Variants in ADCY3 observed in about 807,000 individuals in gnomAD.
The protein encoded by ADCY3 is adenylate cyclase type 3.
In ADCY3, 70 loss-of-function variants were observed where a neutral mutation model predicts 119.4. The observed-to-expected ratio is 0.59, with a 90% confidence interval of 0.48 to 0.72. ADCY3 has a LOEUF of 0.72. ADCY3 is among the 30% of genes least tolerant of loss of function. The pLI is 0.00. For missense variants in ADCY3, 1,238 were observed against 1,541.6 expected (o/e 0.80, Z 3.30); for synonymous variants, 672 against 621.4 (o/e 1.08, Z -1.21).
rs771258009 is a variant in ADCY3 at position 24,820,894 on chromosome 2, G to A, written c.3128-46C>T. ...TCAGCACAGCCACAGGCCACACCTT[G>A]TTATGGGCCTCAGAAGCCATCTCCT... On this transcript the variant is annotated intron_variant, in intron 20 of 21. Coordinates refer to ENST00000679454, the MANE Select transcript of ADCY3 (RefSeq NM_004036.5). The A allele has an allele frequency of 1.9e-6, 3 of 1,604,578 alleles. No individual in the cohort carries two copies. In the Admixed American group the frequency reaches 5.1e-5, roughly 27 times the overall value.
intron 3 of ADCY3, among the ~76,000 whole-genome samples, chr2:24,865,306 G>A (rs187277144): frequency 4.6e-5 from 7 of 152,184 alleles, no homozygotes; most frequent in East Asian, 3.9e-4. Context: ...TTAGGCAGGC[G>A]TGGTGGTGCA....
chr2:24,845,792 G>A (rs1039188273), intron 3 of ADCY3, among the ~76,000 whole-genome samples: 1 of 152,224 alleles, frequency 6.6e-6, no homozygotes, highest in African/African-American at 2.4e-5. Context: ...CCCACCACAG[G>A]CCCTGAGGTG....
At chr2:24,833,398 G>A (rs1053415743) in intron 11 of ADCY3, among the ~76,000 whole-genome samples, 3 of 152,158 alleles carry the variant, frequency 2.0e-5, no homozygotes, top group African/African-American at 7.2e-5. Flanking sequence ...ATAGGAGAAG[G>A]CTCGCCCCTC....
chr2:24,845,527 G>A lies in ADCY3; in HGVS notation c.826-3143C>T, dbSNP rs1219033194. The stretch of plus-strand genomic sequence containing the variant: ...TGAGAGATGATTTAGGGTATCTGAT[G>A]GAAGAAATTTCTAAGCAGCAAAGCA... On this transcript the variant is annotated intron_variant, in intron 3 of 21. Coordinates refer to ENST00000679454, the MANE Select transcript of ADCY3 (RefSeq NM_004036.5). Among the ~76,000 whole-genome samples, 4 of 152,296 alleles carry A rather than the reference G, an allele frequency of 2.6e-5. No homozygotes were observed. The South Asian group carries it at 6.2e-4, about 24-fold the overall frequency.
intron 2 of ADCY3, among the ~76,000 whole-genome samples, chr2:24,906,959 C>T (rs1414159874): frequency 6.6e-6 from 1 of 152,028 alleles, no homozygotes; most frequent in East Asian, 1.9e-4. Flanking sequence ...GGTGAAACCC[C>T]ACCTCTACTA....
intron 6 of ADCY3, among the ~76,000 whole-genome samples, chr2:24,840,788 G>A (rs1670905619): frequency 6.6e-6 from 1 of 152,186 alleles, no homozygotes; most frequent in Non-Finnish European, 1.5e-5. Flanking sequence ...GCCTAAGGCT[G>A]GAGCACAGAG....
chr2:24,833,832 C>T (rs1221830717), intron 11 of ADCY3, among the ~76,000 whole-genome samples: 4 of 152,236 alleles, frequency 2.6e-5, no homozygotes, highest in East Asian at 1.9e-4. Context: ...GTGGCCTGCA[C>T]GTGGTCACAC....
At chr2:24,912,604 CAT>C (rs1491168120) in intron 2 of ADCY3, among the ~76,000 whole-genome samples, 3 of 38,698 alleles carry the variant, frequency 7.8e-5, no homozygotes, top group Non-Finnish European at 1.4e-4. Context: ...TGTGTGTGTG[CAT>C]GTGTGTGTGT....
rs1670807114 is a variant in ADCY3, at chr2:24,839,988, C to T, written c.1240G>A (p.Gly414Arg). 1 of 1,613,786 alleles carries T rather than the reference C, an allele frequency of 6.2e-7. No homozygotes were observed. The highest frequency in any genetic ancestry group is 8.5e-7 in the Non-Finnish European group (1 of 1,179,974). ...CCCAGCACGGTGCCCGTGTGCACCCCCACACGCATGTCCACCCCAGTCTTG... is the reference window on the plus strand; with the variant it reads ...CCCAGCACGGTGCCCGTGTGCACCCTCACACGCATGTCCACCCCAGTCTTG... ...KTKTGVDMRV[G>R]VHTGTVLGGV... The change falls in exon 7 of 22, where the codon GGG becomes AGG. Residue 414 changes from glycine (G) to arginine (R), a missense_variant. Gly to Arg is a moderately radical substitution (Grantham distance 125, BLOSUM62 -2). Coordinates refer to ENST00000679454, the MANE Select transcript of ADCY3 (RefSeq NM_004036.5).
At chr2:24,844,008 T>A (rs1010056906) in intron 3 of ADCY3, among the ~76,000 whole-genome samples, 4 of 151,870 alleles carry the variant, frequency 2.6e-5, no homozygotes, top group Non-Finnish European at 5.9e-5. Context: ...TTTTGCAAGA[T>A]GGAAACTGTA....
At chr2:24,833,966 AAG>A (rs146199064) in intron 11 of ADCY3, among the ~76,000 whole-genome samples, 2,435 of 152,350 alleles carry the variant, frequency 0.016, 67 homozygotes, top group African/African-American at 0.056. Flanking sequence ...AAGGGAGAAC[AAG>A]AGAGTGGTCG....
At chr2:24,916,146 C>CT (rs905001702) in intron 2 of ADCY3, among the ~76,000 whole-genome samples, 7 of 152,044 alleles carry the variant, frequency 4.6e-5, no homozygotes, top group East Asian at 3.9e-4. Context: ...TGATTTCTAT[C>CT]TTTTTTTTTC....
At chr2:24,839,587 A>C (rs1170148651) in intron 7 of ADCY3, among the ~76,000 whole-genome samples, 2 of 152,118 alleles carry the variant, frequency 1.3e-5, no homozygotes, top group African/African-American at 4.8e-5. Flanking sequence ...GGTAAAGGGG[A>C]GGCAGCCCCC....
chr2:24,882,250 A>C (rs552449108), intron 2 of ADCY3, among the ~76,000 whole-genome samples: 1 of 152,190 alleles, frequency 6.6e-6, no homozygotes, highest in Non-Finnish European at 1.5e-5. Context: ...CATCTGGTCA[A>C]CCTCCCCATT....
At position 24,827,906 on chromosome 2, in the gene ADCY3, G is replaced by A; in HGVS notation, c.2428C>T (p.His810Tyr). The A allele has an allele frequency of 1.2e-6, 2 of 1,614,050 alleles. No individual in the cohort carries two copies. The highest frequency in any genetic ancestry group is 1.7e-6 in the Non-Finnish European group (2 of 1,179,972). The part of the protein sequence containing the change: ...DEYDHKRFRE[H>Y]DLPMVALEQM... ...CCCAGTCACGCTTCATCTTACTCGT[G>A]CTCCCGAAAACGCTTGTGGTCGTAT... The change falls in exon 14 of 22, where the codon CAC becomes TAC. Residue 810 changes from histidine (H) to tyrosine (Y), a missense_variant. This residue lies in a region of ADCY3 where 499 missense variants were observed against 571.0 expected (regional missense o/e 0.87). Coordinates refer to ENST00000679454, the MANE Select transcript of ADCY3 (RefSeq NM_004036.5).
chr2:24,901,489 C>T (rs6545807), intron 2 of ADCY3, among the ~76,000 whole-genome samples: 70,768 of 151,772 alleles, frequency 0.47, 19,427 homozygotes, highest in African/African-American at 0.78. Context: ...GAAGAAATTG[C>T]TGTTGAATTC....
At chr2:24,827,853 G>A (rs372148762) in intron 14 of ADCY3, 49 bp downstream of exon 14, 109 of 1,605,894 alleles carry the variant, frequency 6.8e-5, no homozygotes, top group Non-Finnish European at 8.5e-5. Context: ...AGGACTTTGC[G>A]GGCGGGAGGA....
intron 2 of ADCY3, among the ~76,000 whole-genome samples, chr2:24,894,412 C>A (rs1017810348): frequency 6.6e-6 from 1 of 152,026 alleles, no homozygotes; most frequent in Non-Finnish European, 1.5e-5. Context: ...GAGGTTGAGG[C>A]TACAGTGAGC....
chr2:24,897,571 G>A (rs531723260), intron 2 of ADCY3, among the ~76,000 whole-genome samples: 1 of 152,228 alleles, frequency 6.6e-6, no homozygotes, highest in African/African-American at 2.4e-5. Flanking sequence ...ACAGGTGCTT[G>A]GTCAGTGTTC....
Sources: allele counts gnomAD v4.1 joint callset (sites outside exome capture counted in the v4.1 genomes callset), GRCh38; gene constraint gnomAD v4.1.1; regional missense constraint gnomAD v4.1.1; transcripts MANE v1.5; gene names NCBI Gene and HGNC (gene_info 2026-07-23, HGNC 2026-07-21).